The following RBFOX1 variants were observed in gnomAD, a reference collection of about 807,000 sequenced individuals.
RBFOX1 encodes the protein RNA binding fox-1 homolog 1, also known as RNA binding protein fox-1 homolog 1.
A neutral mutation model predicts 57.7 loss-of-function variants in RBFOX1; 8 were observed. The ratio of observed to expected loss-of-function variants is 0.14; its 90% CI spans 0.08 to 0.25. The LOEUF (loss-of-function observed/expected upper bound fraction) is 0.25, where lower values mean the gene tolerates loss of function less well. Among genes scored for constraint, RBFOX1 ranks in the 10% least tolerant of loss-of-function variants. The pLI, the probability that RBFOX1 is intolerant of heterozygous loss-of-function variation, is 1.00. For synonymous variants in RBFOX1, 326 were observed against 222.4 expected (o/e 1.47, Z -4.15); for missense variants, 611 against 548.5 (o/e 1.11, Z -1.14).
chr16:6,859,275 T>A (rs1016367140), intron 3 of RBFOX1, among the ~76,000 whole-genome samples: 2 of 149,744 alleles, frequency 1.3e-5, no homozygotes, highest in Non-Finnish European at 3.0e-5. Context: ...TGACTCCTCT[T>A]GAATATTATT....
intron 4 of RBFOX1, among the ~76,000 whole-genome samples, 159 bp from the exon 5 acceptor site, chr16:7,517,988 G>C (rs1055796619): frequency 2.0e-5 from 3 of 152,066 alleles, no homozygotes; most frequent in Admixed American, 6.5e-5. Context: ...ATAGGGTCTG[G>C]TGAAGATGAC....
chr16:7,558,449 T>C (rs1588079), intron 5 of RBFOX1, among the ~76,000 whole-genome samples: 56,576 of 151,902 alleles, frequency 0.37, 11,252 homozygotes, highest in Non-Finnish European at 0.44. Flanking sequence ...TATATATCAA[T>C]ATGAATATAT....
chr16:7,376,217 A>C (rs1223323917), intron 4 of RBFOX1, among the ~76,000 whole-genome samples: 1 of 152,220 alleles, frequency 6.6e-6, no homozygotes. Flanking sequence ...ATACCATGAA[A>C]GCTGTTTTAG....
At chr16:6,875,550 A>C (rs1289246461) in intron 3 of RBFOX1, among the ~76,000 whole-genome samples, 1 of 152,226 alleles carries the variant, frequency 6.6e-6, no homozygotes, top group Non-Finnish European at 1.5e-5. Context: ...TTTATGTCTG[A>C]AGCAAGGCCG....
chr16:7,181,501 T>G (rs2082694739), intron 4 of RBFOX1, among the ~76,000 whole-genome samples: 1 of 151,940 alleles, frequency 6.6e-6, no homozygotes, highest in African/African-American at 2.4e-5. Flanking sequence ...ATTCCTTCCT[T>G]CCTTCTTCCC....
intron 2 of RBFOX1, among the ~76,000 whole-genome samples, chr16:6,442,346 A>C (rs181042021): frequency 6.6e-6 from 1 of 152,280 alleles, no homozygotes; most frequent in East Asian, 1.9e-4. Context: ...TCACGAGGTC[A>C]AGAGATTGAG....
chr16:7,507,231 C>T (rs551311698), intron 4 of RBFOX1, among the ~76,000 whole-genome samples: 1 of 152,184 alleles, frequency 6.6e-6, no homozygotes, highest in East Asian at 1.9e-4. Context: ...TTTATTTTTA[C>T]CCCAATTCAT....
At chr16:6,895,448 GTATATATATATATATATATATA>G (rs71147622) in intron 3 of RBFOX1, among the ~76,000 whole-genome samples, 2 of 54,632 alleles carry the variant, frequency 3.7e-5, no homozygotes, top group South Asian at 6.4e-4. Flanking sequence ...GTGTGTGTGT[GTATATATATATATATATATATA>G]TATATATATA....
intron 1 of RBFOX1, among the ~76,000 whole-genome samples, chr16:5,350,880 C>G (rs1421018659): frequency 6.9e-6 from 1 of 145,100 alleles, no homozygotes; most frequent in Admixed American, 6.8e-5. Flanking sequence ...AAATCATAAT[C>G]ATAATCATAA....
At chr16:6,710,424 T>C (rs1489129633) in intron 3 of RBFOX1, among the ~76,000 whole-genome samples, 1 of 152,242 alleles carries the variant, frequency 6.6e-6, no homozygotes, top group Non-Finnish European at 1.5e-5. Flanking sequence ...AAAGATATTT[T>C]ACATTCTTTT....
At chr16:6,753,424 ATTCTT>A (rs2075283937) in intron 3 of RBFOX1, among the ~76,000 whole-genome samples, 1 of 152,080 alleles carries the variant, frequency 6.6e-6, no homozygotes, top group Admixed American at 6.6e-5. Context: ...ATTAATATCT[ATTCTT>A]TTATTTAGGG....
At chr16:7,091,437 G>C (rs2060837812) in intron 4 of RBFOX1, among the ~76,000 whole-genome samples, 1 of 151,352 alleles carries the variant, frequency 6.6e-6, no homozygotes, top group Non-Finnish European at 1.5e-5. Flanking sequence ...AACAAGTCAA[G>C]TCAAGAATTT....
intron 2 of RBFOX1, among the ~76,000 whole-genome samples, chr16:5,518,708 A>T (rs2043893457): frequency 6.6e-6 from 1 of 152,138 alleles, no homozygotes; most frequent in Admixed American, 6.5e-5. Context: ...GAGTCCTTTT[A>T]TCTCTTGACA....
intron 4 of RBFOX1, among the ~76,000 whole-genome samples, chr16:7,403,261 A>C (rs1277201210): frequency 6.6e-6 from 1 of 152,180 alleles, no homozygotes; most frequent in African/African-American, 2.4e-5. Context: ...CTAGTCTCTC[A>C]GCAAACTTCA....
chr16:7,053,554 G>C (rs780621004), intron 4 of RBFOX1, among the ~76,000 whole-genome samples: 2 of 152,190 alleles, frequency 1.3e-5, no homozygotes, highest in Non-Finnish European at 2.9e-5. Context: ...ATAAATGCCT[G>C]AGAATTAAGA....
chr16:7,225,161 C>T (rs1289228220), intron 4 of RBFOX1, among the ~76,000 whole-genome samples: 2 of 152,136 alleles, frequency 1.3e-5, no homozygotes, highest in African/African-American at 4.8e-5. Flanking sequence ...TCCATGGTCA[C>T]CCTAGGACAG....
intron 2 of RBFOX1, among the ~76,000 whole-genome samples, chr16:6,453,888 A>T (rs535712472): frequency 1.3e-5 from 2 of 152,258 alleles, no homozygotes; most frequent in African/African-American, 2.4e-5. Flanking sequence ...AAGCTGCCAT[A>T]GTAAAATGCC....
At chr16:7,160,415 T>C (rs1434398682) in intron 4 of RBFOX1, among the ~76,000 whole-genome samples, 1 of 151,742 alleles carries the variant, frequency 6.6e-6, no homozygotes, top group Non-Finnish European at 1.5e-5. Context: ...TCCTCCTCCC[T>C]TTTCCTTCCT....
At chr16:6,971,183 C>A (rs867726143) in intron 3 of RBFOX1, among the ~76,000 whole-genome samples, 1 of 152,104 alleles carries the variant, frequency 6.6e-6, no homozygotes, top group African/African-American at 2.4e-5. Context: ...GAAAAAGTAT[C>A]CGCTATACAG....
Sources: gnomAD v4.1 joint callset for allele counts (sites outside exome capture counted in the v4.1 genomes callset) on GRCh38, gnomAD v4.1.1 for gene constraint, MANE v1.5 for transcripts, NCBI Gene and HGNC (gene_info 2026-07-23, HGNC 2026-07-21) for gene names.